Variants in EPHB1 observed in about 807,000 individuals in gnomAD.
EPHB1 encodes the protein EPH receptor B1, also known as ephrin type-B receptor 1.
Under a neutral mutation model 94.4 loss-of-function variants are expected in EPHB1, and 30 were observed. The observed-to-expected ratio is 0.32, with a 90% CI of 0.24 to 0.43. The LOEUF is 0.43. Ranked by LOEUF, EPHB1 falls within the 20% of genes least tolerant of loss-of-function variation. The pLI is 1.00. For synonymous variants in EPHB1, 522 were observed against 489.1 expected (o/e 1.07, Z -0.89); for missense variants, 1,055 against 1,308.3 (o/e 0.81, Z 2.99).
intron 2 of EPHB1, among the ~76,000 whole-genome samples, chr3:134,943,286 C>G (rs2107710774): frequency 6.6e-6 from 1 of 152,306 alleles, no homozygotes; most frequent in African/African-American, 2.4e-5. Context: ...AGAACATCAG[C>G]AACAACATCG....
chr3:135,113,822 T>C (rs1939564433), intron 4 of EPHB1, among the ~76,000 whole-genome samples: 1 of 152,216 alleles, frequency 6.6e-6, no homozygotes. Context: ...TCCTGACCCA[T>C]GCCCCTGCCC....
At chr3:135,080,819 T>C (rs1245039666) in intron 3 of EPHB1, among the ~76,000 whole-genome samples, 3 of 152,198 alleles carry the variant, frequency 2.0e-5, no homozygotes, top group African/African-American at 7.2e-5. Flanking sequence ...GAATCCAACA[T>C]GACAATATGG....
At chr3:135,193,945 G>C (rs913261823) in intron 11 of EPHB1, among the ~76,000 whole-genome samples, 1 of 152,174 alleles carries the variant, frequency 6.6e-6, no homozygotes, top group African/African-American at 2.4e-5. Flanking sequence ...GTAGCTCAAG[G>C]GCTGAGGCTT....
chr3:135,194,530 G>T (rs1942544941), intron 11 of EPHB1, among the ~76,000 whole-genome samples: 1 of 152,194 alleles, frequency 6.6e-6, no homozygotes, highest in African/African-American at 2.4e-5. Flanking sequence ...AGTAAATGTG[G>T]ACCTATTTGG....
chr3:134,853,264 G>C (rs577722295), intron 1 of EPHB1, among the ~76,000 whole-genome samples: 1 of 152,346 alleles, frequency 6.6e-6, no homozygotes, highest in Admixed American at 6.5e-5. Flanking sequence ...CCCCGGTGTG[G>C]CTCACAGGGC....
chr3:135,221,095 G>C (rs2107720165), intron 12 of EPHB1, among the ~76,000 whole-genome samples: 1 of 152,270 alleles, frequency 6.6e-6, no homozygotes, highest in Middle Eastern at 3.4e-3. Flanking sequence ...CTTCTAAATT[G>C]ACATCCCCAA....
intron 1 of EPHB1, among the ~76,000 whole-genome samples, chr3:134,869,865 A>G (rs2037463020): frequency 6.6e-6 from 1 of 152,178 alleles, no homozygotes; most frequent in South Asian, 2.1e-4. Flanking sequence ...ATTTAATTAA[A>G]TTAAGTATTT....
Position 135,165,978 on chromosome 3 carries a change from G to A in EPHB1, c.1596G>A (p.Lys532=), listed in dbSNP as rs1372587856. 3 of 1,613,944 alleles carry A rather than the reference G, an allele frequency of 1.9e-6. No homozygotes were observed. The highest frequency in any genetic ancestry group is 3.3e-4 in the Middle Eastern group (2 of 6,062). Residue 532 remains lysine (K), a synonymous_variant, in exon 8 of 16, where the codon AAG becomes AAA. Transcript: ENST00000398015. ...CFQTLTDDDY[K]SELREQLPLI... is the part of the protein sequence containing the mutation. ...CTCTTTCTCACCTAGATGATTACAA[G>A]TCAGAGCTGAGGGAGCAGCTGCCCC... is the stretch of plus-strand genomic sequence containing the variant.
intron 3 of EPHB1, among the ~76,000 whole-genome samples, chr3:135,097,003 G>A (rs1222167240): frequency 6.6e-6 from 1 of 151,110 alleles, no homozygotes; most frequent in Non-Finnish European, 1.5e-5. Flanking sequence ...GGCTGAGGCA[G>A]GAGTATCGCT....
chr3:135,020,573 A>C (rs968701099), intron 3 of EPHB1, among the ~76,000 whole-genome samples: 1 of 152,190 alleles, frequency 6.6e-6, no homozygotes, highest in African/African-American at 2.4e-5. Flanking sequence ...AAATGTTTTC[A>C]AGGTTGTAGC....
intron 1 of EPHB1, among the ~76,000 whole-genome samples, chr3:134,854,347 G>A (rs1338152023): frequency 6.6e-6 from 1 of 152,220 alleles, no homozygotes; most frequent in East Asian, 1.9e-4. Flanking sequence ...GAGATGATCT[G>A]TGTCCTGGTC....
At chr3:135,130,553 T>A (rs1047116108) in intron 4 of EPHB1, among the ~76,000 whole-genome samples, 1 of 152,122 alleles carries the variant, frequency 6.6e-6, no homozygotes, top group Admixed American at 6.5e-5. Context: ...ATGTTTTGGT[T>A]TGAAAATGGC....
At chr3:135,086,343 GA>G (rs1266076697) in intron 3 of EPHB1, among the ~76,000 whole-genome samples, 2 of 151,144 alleles carry the variant, frequency 1.3e-5, no homozygotes, top group Non-Finnish European at 2.9e-5. Context: ...GGGGGTGGGG[GA>G]GGGTGTTCCT....
At chr3:135,257,756 C>A (rs570493840) in intron 15 of EPHB1, among the ~76,000 whole-genome samples, 8,742 of 145,032 alleles carry the variant, frequency 0.06, 372 homozygotes, top group Middle Eastern at 0.16. Flanking sequence ...TCGAGCTTCC[C>A]GGCTGCTTTG....
intron 15 of EPHB1, among the ~76,000 whole-genome samples, chr3:135,253,890 G>T (rs1273782101): frequency 6.6e-6 from 1 of 151,600 alleles, no homozygotes; most frequent in Non-Finnish European, 1.5e-5. Context: ...TTATTTCCTT[G>T]AGCAGTGGTG....
chr3:135,097,933 C>T (rs1338453588), intron 3 of EPHB1, among the ~76,000 whole-genome samples: 1 of 152,190 alleles, frequency 6.6e-6, no homozygotes. Context: ...GGTCTTGGTG[C>T]AATCTTTTCC....
At chr3:135,036,507 C>T (rs1936653775) in intron 3 of EPHB1, among the ~76,000 whole-genome samples, 1 of 152,164 alleles carries the variant, frequency 6.6e-6, no homozygotes, top group Admixed American at 6.5e-5. Flanking sequence ...TGCCCTGAGA[C>T]TGAGAGAGAT....
Position 135,041,364 on chromosome 3 carries a change from C to T in EPHB1, c.806-65084C>T, listed in dbSNP as rs141941989. ...AGTGTCTGGGGGGCCTTCTGTGACC[C>T]GTGGAAATGTGAGCTGTGATGCTGG... On this transcript the variant is annotated intron_variant, in intron 3 of 15. Coordinates refer to ENST00000398015, the MANE Select transcript of EPHB1 (RefSeq NM_004441.5). 4.1e-3 allele frequency among the ~76,000 whole-genome samples: 630 copies of T among 152,220 alleles called. 6 individuals are homozygous for T. Among genetic ancestry groups the T allele is most frequent in the African/African-American group, 0.015 (611 of 41,540 alleles).
intron 3 of EPHB1, among the ~76,000 whole-genome samples, chr3:135,081,691 C>A (rs962466027): frequency 1.9e-4 from 29 of 152,108 alleles, no homozygotes; most frequent in African/African-American, 6.8e-4. Context: ...GGCTGGTGTT[C>A]TGGGAAATAT....
Sources: allele counts gnomAD v4.1 joint callset (sites outside exome capture counted in the v4.1 genomes callset), GRCh38; gene constraint gnomAD v4.1.1; transcripts MANE v1.5; gene names NCBI Gene and HGNC (gene_info 2026-07-23, HGNC 2026-07-21).